The following E2F3 variants were observed in gnomAD, a reference collection of about 807,000 sequenced individuals.
E2F3 encodes the protein E2F transcription factor 3.
A neutral mutation model predicts 44.4 loss-of-function variants in E2F3; 11 were observed. The observed-to-expected ratio is 0.25, with a 90% CI of 0.16 to 0.41. E2F3 has a LOEUF of 0.41. E2F3 is among the 10% of genes least tolerant of loss of function. E2F3 has a pLI of 1.00. For missense variants in E2F3, 487 were observed against 583.6 expected (o/e 0.83, Z 1.70); for synonymous variants, 249 against 253.0 (o/e 0.98, Z 0.15).
intron 1 of E2F3, among the ~76,000 whole-genome samples, chr6:20,415,200 A>G (rs1176233124): frequency 6.6e-6 from 1 of 152,190 alleles, no homozygotes; most frequent in East Asian, 1.9e-4. Context: ...CTGGCCCTCA[A>G]GGAGTTCATC....
At chr6:20,446,038 C>T (rs1050033516) in intron 1 of E2F3, among the ~76,000 whole-genome samples, 1 of 152,140 alleles carries the variant, frequency 6.6e-6, no homozygotes. Flanking sequence ...ATGTGCACAG[C>T]TTTGGGGTGT....
intron 1 of E2F3, among the ~76,000 whole-genome samples, chr6:20,479,384 A>G (rs971236034): frequency 3.9e-5 from 6 of 152,242 alleles, no homozygotes; most frequent in African/African-American, 1.2e-4. Flanking sequence ...GTAATACCGA[A>G]TAAGTGTCAT....
chr6:20,462,817 CTCTA>C (rs1761559815), intron 1 of E2F3, among the ~76,000 whole-genome samples: 1 of 143,178 alleles, frequency 7.0e-6, no homozygotes, highest in African/African-American at 2.6e-5. Context: ...GGGCAGGTCT[CTCTA>C]TCTTGTTCTT....
intron 1 of E2F3, among the ~76,000 whole-genome samples, chr6:20,458,211 A>G (rs1761379008): frequency 6.6e-6 from 1 of 152,190 alleles, no homozygotes; most frequent in South Asian, 2.1e-4. Context: ...GTTTGCCCAC[A>G]TTACTGTAAC....
At chr6:20,456,502 C>T (rs1401458541) in intron 1 of E2F3, among the ~76,000 whole-genome samples, 1 of 152,140 alleles carries the variant, frequency 6.6e-6, no homozygotes, top group African/African-American at 2.4e-5. Flanking sequence ...GTCCTGTCTC[C>T]TTTCCTCCTT....
intron 1 of E2F3, among the ~76,000 whole-genome samples, chr6:20,468,691 G>GT (rs945025865): frequency 6.6e-6 from 1 of 152,176 alleles, no homozygotes; most frequent in African/African-American, 2.4e-5. Flanking sequence ...TCCTGCCTTG[G>GT]TTTTTCCAGT....
At chr6:20,450,457 C>T (rs954954015) in intron 1 of E2F3, among the ~76,000 whole-genome samples, 9 of 152,082 alleles carry the variant, frequency 5.9e-5, no homozygotes, top group African/African-American at 2.2e-4. Flanking sequence ...CCTTTGCCCA[C>T]GTTTTAATGG....
chr6:20,439,156 A>G (rs1387084952), intron 1 of E2F3, among the ~76,000 whole-genome samples: 1 of 152,250 alleles, frequency 6.6e-6, no homozygotes, highest in Non-Finnish European at 1.5e-5. Context: ...TTTCCTAACT[A>G]AATGGAAACT....
At chr6:20,432,311 G>A (rs796618973) in intron 1 of E2F3, among the ~76,000 whole-genome samples, 3 of 152,328 alleles carry the variant, frequency 2.0e-5, no homozygotes, top group Admixed American at 6.5e-5. Context: ...GGAGGCCATG[G>A]TGTTCGTTGG....
intron 4 of E2F3, 150 bp downstream of exon 4, chr6:20,483,070 C>A: frequency 8.6e-7 from 1 of 1,160,696 alleles, no homozygotes. Context: ...TGTGTGTGTG[C>A]ACGTGTGTGT....
chr6:20,420,468 GTA>G (rs1364703779), intron 1 of E2F3, among the ~76,000 whole-genome samples: 7 of 151,228 alleles, frequency 4.6e-5, no homozygotes, highest in Non-Finnish European at 1.0e-4. Flanking sequence ...TGTGTGTATA[GTA>G]AATACAGGCA....
In E2F3 at chr6:20,481,962, G is replaced by A. The variant is rs4134940; in HGVS notation, c.725+537G>A. Among the ~76,000 whole-genome samples, 1,150 of 152,156 alleles carry A rather than the reference G, an allele frequency of 7.6e-3. 35 individuals are homozygous for A. Among genetic ancestry groups the A allele is most frequent in the Admixed American group, 0.057 (864 of 15,288 alleles). On this transcript the variant is annotated intron_variant, in intron 3 of 6. Transcript: ENST00000346618. ...GTCTGTAGAGCAGGGATGGTAGCAT[G>A]ATACTTATACAGCCACACGTATGAT... is the stretch of plus-strand genomic sequence containing the variant.
chr6:20,409,953 T>A (rs1302386548), intron 1 of E2F3, among the ~76,000 whole-genome samples: 1 of 152,196 alleles, frequency 6.6e-6, no homozygotes, highest in African/African-American at 2.4e-5. Flanking sequence ...TGAAGCTGAT[T>A]TCCTCTGGAA....
rs752243054 is a variant in E2F3 at position 20,482,799 on chromosome 6, C to A, written c.763C>A (p.Gln255Lys). ...SLSEDGGMLA[Q>K]CQGLSKEVTE... ...GTCTGAGGATGGGGGCATGCTGGCC[C>A]AGTGTCAAGGCCTGTCAAAAGAAGT... is the stretch of plus-strand genomic sequence containing the variant. The change falls in exon 4 of 7, where the codon CAG becomes AAG. Residue 255 changes from glutamine to lysine, a missense_variant. Around this residue, in one of 3 missense-constraint regions of E2F3, gnomAD observed 220 missense variants for 261.7 expected, o/e 0.84. Transcript: ENST00000346618. 6.2e-7 allele frequency: 1 copy of A among 1,612,638 alleles called. No homozygotes were observed. Among genetic ancestry groups the A allele is most frequent in the South Asian group, 1.1e-5 (1 of 90,986 alleles).
intron 1 of E2F3, among the ~76,000 whole-genome samples, chr6:20,429,717 G>A (rs1190980536): frequency 6.8e-6 from 1 of 146,716 alleles, no homozygotes; most frequent in East Asian, 2.0e-4. Context: ...TTTCTTGTGT[G>A]TTTTTTTTTT....
chr6:20,434,444 G>A (rs113440021), intron 1 of E2F3, among the ~76,000 whole-genome samples: 9 of 152,140 alleles, frequency 5.9e-5, no homozygotes, highest in Admixed American at 3.9e-4. Context: ...ATAATTCGAG[G>A]TAGTTTAAAC....
intron 1 of E2F3, among the ~76,000 whole-genome samples, chr6:20,469,819 T>A: frequency 6.6e-6 from 1 of 152,230 alleles, no homozygotes; most frequent in Non-Finnish European, 1.5e-5. Flanking sequence ...TGAGATAGTC[T>A]GGTTTGTGAT....
At chr6:20,485,423 A>T (rs937944772) in intron 4 of E2F3, among the ~76,000 whole-genome samples, 2 of 151,898 alleles carry the variant, frequency 1.3e-5, no homozygotes, top group Non-Finnish European at 2.9e-5. Context: ...TACTAAAAAT[A>T]AAAAAAATTA....
rs1014874352 is a variant in E2F3, at chr6:20,491,832, A to G, written c.*1402A>G. 6 of 179,248 alleles carry G rather than the reference A, an allele frequency of 3.3e-5. No individual in the cohort carries two copies. The highest frequency in any genetic ancestry group is 1.2e-4 in the African/African-American group (5 of 42,250). 11.1% of individuals were successfully genotyped at this position (179,248 alleles called of 1,614,324 possible). ...GGGACGTAAAAAATGAAGCAAAACA[A>G]TGCCAGGGTGTCTCCCGCTTTACTC... On this transcript the variant is annotated 3_prime_UTR_variant, in exon 7 of 7. Transcript: ENST00000346618.
Sources: allele counts gnomAD v4.1 joint callset (sites outside exome capture counted in the v4.1 genomes callset), GRCh38; gene constraint gnomAD v4.1.1; regional missense constraint gnomAD v4.1.1; transcripts MANE v1.5; gene names NCBI Gene and HGNC (gene_info 2026-07-23, HGNC 2026-07-21).